Variants in DNM3 observed in about 807,000 individuals in gnomAD.
DNM3 encodes dynamin 3.
A neutral mutation model predicts 101.6 loss-of-function variants in DNM3; 47 were observed. The observed-to-expected ratio is 0.46, with a 90% CI of 0.37 to 0.59. DNM3 has a LOEUF of 0.59. DNM3 is among the 20% of genes least tolerant of loss of function. The pLI, the probability that DNM3 is intolerant of heterozygous loss-of-function variation, is 0.00. For missense variants in DNM3, 849 were observed against 1,085.7 expected (o/e 0.78, Z 3.06); for synonymous variants, 385 against 387.9 (o/e 0.99, Z 0.09).
At chr1:172,186,210 G>A (rs2059517525) in intron 14 of DNM3, among the ~76,000 whole-genome samples, 1 of 152,006 alleles carries the variant, frequency 6.6e-6, no homozygotes, top group Non-Finnish European at 1.5e-5. Context: ...AGTTATTTTT[G>A]CTTACGACCA....
At chr1:172,375,356 G>A (rs1224355674) in intron 17 of DNM3, among the ~76,000 whole-genome samples, 1 of 152,040 alleles carries the variant, frequency 6.6e-6, no homozygotes, top group African/African-American at 2.4e-5. Context: ...ACTGTTGGTG[G>A]TGGGGTGAGC....
chr1:171,989,278 T>C lies in DNM3; in HGVS notation c.589+130T>C, dbSNP rs1026452666. The C allele has an allele frequency of 1.7e-4, 96 of 561,496 alleles. 1 individual carries two copies. The Middle Eastern group carries it at 3.8e-3, about 22-fold the overall frequency. 34.8% of individuals were successfully genotyped at this position (561,496 alleles called of 1,614,324 possible). On this transcript the variant is annotated intron_variant, in intron 4 of 20. Coordinates refer to ENST00000627582, the MANE Select transcript of DNM3 (RefSeq NM_015569.5). ...TAGCCATTATTAATGTTGTTAAACCTTTTGTATTTTAAATAGAAAATTCAG... is the reference window on the plus strand; with the variant it reads ...TAGCCATTATTAATGTTGTTAAACCCTTTGTATTTTAAATAGAAAATTCAG...
At chr1:171,857,008 T>C (rs2033677372) in intron 1 of DNM3, among the ~76,000 whole-genome samples, 1 of 152,202 alleles carries the variant, frequency 6.6e-6, no homozygotes, top group South Asian at 2.1e-4. Flanking sequence ...AGGATGTGTT[T>C]AGGGAACAGA....
At chr1:172,239,813 T>A (rs1276399562) in intron 14 of DNM3, among the ~76,000 whole-genome samples, 1 of 139,042 alleles carries the variant, frequency 7.2e-6, no homozygotes, top group Non-Finnish European at 1.6e-5. Context: ...TTTTTTTTTT[T>A]TTTTTTTGTA....
chr1:171,921,881 A>G, intron 2 of DNM3, 60 bp downstream of exon 2: 2 of 1,472,732 alleles, frequency 1.4e-6, no homozygotes, highest in Non-Finnish European at 9.3e-7. Context: ...TTTTGCCTTC[A>G]TAGGTGTGGG....
chr1:172,334,905 T>A (rs901237695), intron 17 of DNM3, among the ~76,000 whole-genome samples: 3 of 152,112 alleles, frequency 2.0e-5, no homozygotes, highest in African/African-American at 7.2e-5. Flanking sequence ...TTTTATGTGC[T>A]TCCTCTAAAA....
chr1:172,271,842 A>G (rs1295736100), intron 15 of DNM3, among the ~76,000 whole-genome samples: 1 of 152,150 alleles, frequency 6.6e-6, no homozygotes, highest in East Asian at 1.9e-4. Flanking sequence ...AGATCTTCCA[A>G]ATGTTTATAC....
intron 17 of DNM3, among the ~76,000 whole-genome samples, chr1:172,349,018 C>A (rs145378224): frequency 6.6e-6 from 1 of 152,156 alleles, no homozygotes; most frequent in Non-Finnish European, 1.5e-5. Context: ...AAACAGAGCA[C>A]CTTCTCTGGC....
intron 13 of DNM3, among the ~76,000 whole-genome samples, chr1:172,105,799 TA>T (rs1278611944): frequency 7.9e-5 from 12 of 152,260 alleles, no homozygotes; most frequent in Non-Finnish European, 1.3e-4. Context: ...TATATCTTGT[TA>T]AAATATAAAA....
chr1:171,892,287 A>G (rs951023074), intron 1 of DNM3, among the ~76,000 whole-genome samples: 4 of 152,132 alleles, frequency 2.6e-5, no homozygotes, highest in Admixed American at 2.0e-4. Context: ...TATTTTTCCA[A>G]GGAGCCCTGG....
At chr1:172,331,407 G>T (rs2066178457) in intron 17 of DNM3, among the ~76,000 whole-genome samples, 2 of 152,058 alleles carry the variant, frequency 1.3e-5, no homozygotes, top group Admixed American at 6.6e-5. Context: ...CATTTGCCTT[G>T]AACCCATTTA....
chr1:171,987,247 C>T (rs767700767), intron 2 of DNM3: 137 of 958,798 alleles, frequency 1.4e-4, no homozygotes, highest in Non-Finnish European at 1.7e-4. Context: ...ATTTATATAA[C>T]TTGGCATTCC....
chr1:171,856,016 C>T (rs1212095730), intron 1 of DNM3, among the ~76,000 whole-genome samples: 5 of 152,132 alleles, frequency 3.3e-5, no homozygotes, highest in African/African-American at 7.2e-5. Flanking sequence ...CATTTAAGTC[C>T]GTAATCTATC....
intron 14 of DNM3, among the ~76,000 whole-genome samples, chr1:172,200,084 C>T (rs527710809): frequency 2.6e-5 from 4 of 152,236 alleles, no homozygotes; most frequent in African/African-American, 9.6e-5. Context: ...GTCAAGATCT[C>T]TTTTAAGGCA....
At chr1:172,402,492 C>G (rs1417590431) in intron 20 of DNM3, among the ~76,000 whole-genome samples, 1 of 152,002 alleles carries the variant, frequency 6.6e-6, no homozygotes, top group African/African-American at 2.4e-5. Context: ...AAATAACTAC[C>G]CTTTTAAGCA....
intron 10 of DNM3, among the ~76,000 whole-genome samples, chr1:172,052,325 C>T (rs994220105): frequency 6.6e-6 from 1 of 152,062 alleles, no homozygotes; most frequent in African/African-American, 2.4e-5. Context: ...CTCTTTTTAG[C>T]CTTTTATTTC....
At chr1:172,323,567 T>G (rs2065820200) in intron 17 of DNM3, among the ~76,000 whole-genome samples, 1 of 152,198 alleles carries the variant, frequency 6.6e-6, no homozygotes, top group South Asian at 2.1e-4. Context: ...CAGGGTCTAA[T>G]GGCTAGTTCA....
chr1:172,267,543 C>T (rs538683642), intron 15 of DNM3, among the ~76,000 whole-genome samples: 10 of 151,816 alleles, frequency 6.6e-5, no homozygotes, highest in Admixed American at 3.3e-4. Flanking sequence ...AATTCTATGA[C>T]ATTGTCCTTT....
At chr1:171,932,283 G>C (rs373555819) in intron 2 of DNM3, among the ~76,000 whole-genome samples, 2 of 151,040 alleles carry the variant, frequency 1.3e-5, no homozygotes, top group Non-Finnish European at 3.0e-5. Context: ...CTAGGACTAC[G>C]GGCATGCACC....
Sources: allele counts gnomAD v4.1 joint callset (sites outside exome capture counted in the v4.1 genomes callset), GRCh38; gene constraint gnomAD v4.1.1; transcripts MANE v1.5; gene names NCBI Gene and HGNC (gene_info 2026-07-23, HGNC 2026-07-21).